The following SUPT3H variants were observed in gnomAD, a reference collection of about 807,000 sequenced individuals.
SUPT3H encodes SPT3 homolog, SAGA and STAGA complex component, also known as transcription initiation protein SPT3 homolog.
In SUPT3H, 44 loss-of-function variants were observed where a neutral mutation model predicts 44.3. The observed-to-expected ratio is 0.99, with a 90% CI of 0.78 to 1.28. The LOEUF is 1.28. Among genes scored for constraint, SUPT3H ranks in the 50% most tolerant of loss-of-function variants. SUPT3H has a pLI of 0.00. For missense variants in SUPT3H, 380 were observed against 387.1 expected (o/e 0.98, Z 0.15); for synonymous variants, 124 against 125.6 (o/e 0.99, Z 0.09).
chr6:45,105,510 C>G (rs1443505374), intron 3 of SUPT3H, among the ~76,000 whole-genome samples: 2 of 152,058 alleles, frequency 1.3e-5, no homozygotes, highest in African/African-American at 4.8e-5. Context: ...TTACACTATA[C>G]TATAGTCTAT....
At chr6:44,854,104 ACATT>A (rs1773355926) in intron 10 of SUPT3H, among the ~76,000 whole-genome samples, 1 of 152,174 alleles carries the variant, frequency 6.6e-6, no homozygotes, top group Non-Finnish European at 1.5e-5. Flanking sequence ...CACTGCCATG[ACATT>A]CAGTCATTTA....
At position 45,375,557 on chromosome 6, in the gene SUPT3H, T is replaced by C. The variant is rs543533418; in HGVS notation, c.-1+2211A>G. 1.5e-3 allele frequency among the ~76,000 whole-genome samples: 229 copies of C among 152,180 alleles called. 2 individuals carry two copies. The highest frequency in any genetic ancestry group is 2.4e-3 in the Admixed American group (36 of 15,284). ...TTAAGACCAAGAGCATCATTTTTTT[T>C]TTTAAAGAGACAAGGTCTCCCTCTG... On this transcript the variant is annotated intron_variant, in intron 1 of 10. Coordinates refer to ENST00000371459, the MANE Select transcript of SUPT3H (RefSeq NM_003599.4).
intron 2 of SUPT3H, among the ~76,000 whole-genome samples, chr6:45,242,087 G>C (rs1209393343): frequency 6.6e-6 from 1 of 152,114 alleles, no homozygotes; most frequent in East Asian, 1.9e-4. Flanking sequence ...TACTTGACTT[G>C]GTCTTCTGCT....
rs893434921 is a variant in SUPT3H at position 44,908,760 on chromosome 6, C to T, written c.912+23893G>A. 3.3e-5 allele frequency among the ~76,000 whole-genome samples: 5 copies of T among 151,280 alleles called. No individual in the cohort carries two copies. The South Asian group carries it at 8.4e-4, about 25-fold the overall frequency. ...TATATATAATTCCTGACATATCAGA[C>T]ATGTAGGCCACTAAAATATCTGAGT... On this transcript the variant is annotated intron_variant, in intron 10 of 10. Transcript: ENST00000371459.
intron 2 of SUPT3H, among the ~76,000 whole-genome samples, chr6:45,279,163 C>T (rs1777521826): frequency 6.6e-6 from 1 of 152,100 alleles, no homozygotes; most frequent in South Asian, 2.1e-4. Context: ...CTTCAAATAT[C>T]TAAAATCTTT....
intron 3 of SUPT3H, among the ~76,000 whole-genome samples, chr6:45,068,807 G>C (rs1342316554): frequency 6.6e-6 from 1 of 151,946 alleles, no homozygotes; most frequent in African/African-American, 2.4e-5. Context: ...GTAACATGTT[G>C]CCACACTTTA....
chr6:45,346,747 A>G (rs925834726), intron 2 of SUPT3H, among the ~76,000 whole-genome samples: 54 of 152,004 alleles, frequency 3.6e-4, no homozygotes, highest in African/African-American at 1.3e-3. Flanking sequence ...ATATTTTTTT[A>G]GTAGAGACCC....
chr6:44,971,260 C>G (rs1777530666), intron 6 of SUPT3H, among the ~76,000 whole-genome samples: 1 of 152,192 alleles, frequency 6.6e-6, no homozygotes, highest in Non-Finnish European at 1.5e-5. Context: ...TCTAGGGTCA[C>G]TGATACTACT....
At chr6:45,317,942 C>G (rs1195864415) in intron 2 of SUPT3H, among the ~76,000 whole-genome samples, 2 of 152,042 alleles carry the variant, frequency 1.3e-5, no homozygotes, top group Non-Finnish European at 2.9e-5. Context: ...AACCATACAT[C>G]TGCAAAGGGG....
At chr6:45,213,603 G>A (rs9463078) in intron 2 of SUPT3H, among the ~76,000 whole-genome samples, 49,177 of 151,758 alleles carry the variant, frequency 0.32, 8,991 homozygotes, top group East Asian at 0.57. Flanking sequence ...AATCAATTAG[G>A]TAATATTAAT....
intron 2 of SUPT3H, among the ~76,000 whole-genome samples, chr6:45,331,543 T>C (rs1787512201): frequency 1.3e-5 from 2 of 151,980 alleles, no homozygotes; most frequent in Non-Finnish European, 2.9e-5. Flanking sequence ...AAAATCACTC[T>C]AACACATATC....
chr6:44,948,373 A>C (rs569392997), intron 9 of SUPT3H, among the ~76,000 whole-genome samples: 116 of 152,344 alleles, frequency 7.6e-4, no homozygotes, highest in Non-Finnish European at 1.3e-3. Flanking sequence ...TGGCAACAGA[A>C]GCCAAAATTG....
chr6:45,281,478 A>G (rs1429479476), intron 2 of SUPT3H, among the ~76,000 whole-genome samples: 1 of 152,226 alleles, frequency 6.6e-6, no homozygotes, highest in Admixed American at 6.5e-5. Flanking sequence ...CTGTGCCCAC[A>G]AAGCCTCGCT....
At chr6:45,208,733 AAAAAC>A (rs1763599136) in intron 2 of SUPT3H, among the ~76,000 whole-genome samples, 5 of 48,382 alleles carry the variant, frequency 1.0e-4, no homozygotes, top group Non-Finnish European at 1.4e-4. Flanking sequence ...CAAAAAAAAA[AAAAAC>A]AAACAAAAAA....
chr6:45,316,958 A>G (rs756234214), intron 2 of SUPT3H, among the ~76,000 whole-genome samples: 1 of 152,140 alleles, frequency 6.6e-6, no homozygotes, highest in Non-Finnish European at 1.5e-5. Flanking sequence ...GGCTCATGCC[A>G]TATGGAACCT....
rs546735187 is a variant in SUPT3H at position 44,975,225 on chromosome 6, G to A, written c.505-13397C>T. Among the ~76,000 whole-genome samples the A allele has an allele frequency of 1.9e-4, 29 of 152,054 alleles. No individual in the cohort carries two copies. The East Asian group carries it at 5.2e-3, about 27-fold the overall frequency. On this transcript the variant is annotated intron_variant, in intron 6 of 10. Coordinates refer to ENST00000371459, the MANE Select transcript of SUPT3H (RefSeq NM_003599.4). ...GACCAGTTTATAGCTTTTACTATCT[G>A]TAATTTATCTTCTTAGTTTCACTCT... is the stretch of plus-strand genomic sequence containing the variant.
At chr6:45,371,905 C>A in intron 1 of SUPT3H, 1 of 905,432 alleles carries the variant, frequency 1.1e-6, no homozygotes, top group Non-Finnish European at 1.3e-6. Context: ...AACTGAAGTC[C>A]AGAGGGGTTT....
At chr6:45,007,687 C>T in intron 5 of SUPT3H, among the ~76,000 whole-genome samples, 1 of 151,154 alleles carries the variant, frequency 6.6e-6, no homozygotes. Context: ...TCTGTCTTAG[C>T]TTCCTCTATG....
At chr6:45,029,343 GTA>G (rs140292645) in intron 3 of SUPT3H, among the ~76,000 whole-genome samples, 3,217 of 146,260 alleles carry the variant, frequency 0.022, 114 homozygotes, top group African/African-American at 0.073. Context: ...ATTTGTATGT[GTA>G]TATATATATA....
Sources: allele counts gnomAD v4.1 joint callset (sites outside exome capture counted in the v4.1 genomes callset), GRCh38; gene constraint gnomAD v4.1.1; transcripts MANE v1.5; gene names NCBI Gene and HGNC (gene_info 2026-07-23, HGNC 2026-07-21).